The following IFT172 variants were observed in gnomAD, a reference collection of about 807,000 sequenced individuals.
The protein encoded by IFT172 is intraflagellar transport protein 172 homolog.
In IFT172, 164 loss-of-function variants were observed where a neutral mutation model predicts 248.9. The ratio of observed to expected loss-of-function variants is 0.66; its 90% CI spans 0.58 to 0.75. The LOEUF is 0.75. Ranked by LOEUF, IFT172 falls within the 30% of genes least tolerant of loss-of-function variation. The pLI is 0.00. For synonymous variants in IFT172, 729 were observed against 791.6 expected (o/e 0.92, Z 1.33); for missense variants, 1,950 against 2,192.4 (o/e 0.89, Z 2.21).
chr2:27,458,294 C>T, intron 26 of IFT172, 71 bp from the exon 27 acceptor site: 1 of 1,282,372 alleles, frequency 7.8e-7, no homozygotes, highest in Non-Finnish European at 1.1e-6. Flanking sequence ...AGGAAACCTG[C>T]TTGTTCAGAA....
In IFT172 at chr2:27,456,587, C is replaced by T; in HGVS notation, c.3295G>A (p.Gly1099Arg). 1 of 1,614,182 alleles carries T rather than the reference C, an allele frequency of 6.2e-7. No homozygotes were observed. The highest frequency in any genetic ancestry group is 8.5e-7 in the Non-Finnish European group (1 of 1,180,020). ...AGCAGTCTAACTGCAGCCTCTCCTC[C>T]CAGGCTCTTTGCCCACAGATAGGCC... ...HVAYLWAKSL[G>R]GEAAVRLLNK... Residue 1099 changes from glycine to arginine, a missense_variant, in exon 30 of 48, where the codon GGA (glycine) becomes AGA (arginine). Physicochemically the swap from Gly to Arg is moderately radical, Grantham distance 125 (BLOSUM62 -2). Coordinates refer to ENST00000260570, the MANE Select transcript of IFT172 (RefSeq NM_015662.3).
chr2:27,465,173 G>A (rs1389225008), intron 18 of IFT172: 1 of 503,888 alleles, frequency 2.0e-6, no homozygotes, highest in African/African-American at 1.9e-5. Flanking sequence ...GCCCACCTCA[G>A]CCTCCCAAAG....
chr2:27,457,884 T>C lies in IFT172; in HGVS notation c.3068A>G (p.His1023Arg). Reference sequence around the variant, plus strand: ...TGTATCACTGAGGAGATCTGGATGGTGCTTCCCTACCAGGCGGATCATGTC... The same window carrying C: ...TGTATCACTGAGGAGATCTGGATGGCGCTTCCCTACCAGGCGGATCATGTC... ...YDDMIRLVGK[H>R]HPDLLSDTHL... The change falls in exon 28 of 48, where the codon CAC becomes CGC. Residue 1023 changes from histidine to arginine, a missense_variant. By Grantham distance (29) the His-to-Arg change is conservative (BLOSUM62 0). Transcript: ENST00000260570. 1 of 1,614,148 alleles carries C rather than the reference T, an allele frequency of 6.2e-7. No individual in the cohort carries two copies. Among genetic ancestry groups the C allele is most frequent in the Non-Finnish European group, 8.5e-7 (1 of 1,180,020 alleles).
Position 27,465,490 on chromosome 2 carries a change from T to C in IFT172, c.1858A>G (p.Met620Val). Residue 620 changes from methionine to valine, a missense_variant, in exon 18 of 48, where the codon ATG becomes GTG. By Grantham distance (21) the Met-to-Val change is conservative (BLOSUM62 1). Around this residue, in one of 3 missense-constraint regions of IFT172, gnomAD observed 1,166 missense variants for 1,254.1 expected, o/e 0.93. Transcript: ENST00000260570. ...RATAFLETLE[M>V]TPETEAMWKT... ...CACATTGCCTCTGTTTCTGGGGTCA[T>C]TTCCAGAGTCTCTAAGAAGGCTGTT... 6.2e-7 allele frequency: 1 copy of C among 1,614,118 alleles called. No homozygotes were observed. The highest frequency in any genetic ancestry group is 1.3e-5 in the African/African-American group (1 of 75,012).
intron 14 of IFT172, among the ~76,000 whole-genome samples, chr2:27,474,454 C>A (rs1304475190): frequency 6.6e-6 from 1 of 152,110 alleles, no homozygotes; most frequent in Non-Finnish European, 1.5e-5. Flanking sequence ...AAACAAATTC[C>A]AGGTGAAAAG....
chr2:27,455,967 A>G (rs1323523955), intron 30 of IFT172: 1 of 246,694 alleles, frequency 4.1e-6, no homozygotes, highest in African/African-American at 2.3e-5. Context: ...TAATCTCAGC[A>G]CTTTGGGAGG....
At chr2:27,460,930 G>C (rs1666607339) in intron 23 of IFT172, 85 bp downstream of exon 23, 1 of 1,515,370 alleles carries the variant, frequency 6.6e-7, no homozygotes, top group Admixed American at 1.7e-5. Context: ...GGTGTGTAGG[G>C]GCAACCCACC....
chr2:27,462,753 AGACGTGCTCG>A lies in IFT172; in HGVS notation c.2053_2062del (p.Arg685Ter). ...TTTGTAGTTCTTTTCCAGCATGGCTAGACGTGCTCGGACCTGATAAAAGTCTGTTCCTTCT... is the reference window on the plus strand; with the variant it reads ...TTTGTAGTTCTTTTCCAGCATGGCTAGACCTGATAAAAGTCTGTTCCTTCT... On this transcript the variant is annotated frameshift_variant, in exon 20 of 48. Coordinates refer to ENST00000260570, the MANE Select transcript of IFT172 (RefSeq NM_015662.3). LOFTEE classifies it high-confidence loss of function. 6.2e-7 allele frequency: 1 copy of A among 1,614,098 alleles called. No homozygotes were observed. Among genetic ancestry groups the A allele is most frequent in the Non-Finnish European group, 8.5e-7 (1 of 1,179,996 alleles).
chr2:27,477,149 C>T lies in IFT172; in HGVS notation c.1325+68G>A, dbSNP rs563266706. ...TGAAGCTTTTGGATTAACTGGAGGACACAGAATTTAGGAGTCCAAAAGGAA... is the reference window on the plus strand; with the variant it reads ...TGAAGCTTTTGGATTAACTGGAGGATACAGAATTTAGGAGTCCAAAAGGAA... On this transcript the variant is annotated intron_variant, in intron 13 of 47. Transcript: ENST00000260570. 3.7e-6 allele frequency: 5 copies of T among 1,368,876 alleles called. No homozygotes were observed. The African/African-American group carries it at 5.7e-5, about 16-fold the overall frequency. 84.8% of individuals were successfully genotyped at this position (1,368,876 alleles called of 1,614,324 possible). A position where few individuals can be genotyped will look rare whatever the true frequency, so the allele number is the denominator to read the frequency against.
Position 27,463,083 on chromosome 2 carries a change from A to G in IFT172, c.2022+14T>C. ...TGGGAGACAGACAGAATGAATCAGG[A>G]GCATAATACTTGCATATTCCCGGGA... On this transcript the variant is annotated intron_variant, in intron 19 of 47. Coordinates refer to ENST00000260570, the MANE Select transcript of IFT172 (RefSeq NM_015662.3). 11 of 1,612,224 alleles carry G rather than the reference A, an allele frequency of 6.8e-6. No individual in the cohort carries two copies. Among genetic ancestry groups the G allele is most frequent in the Non-Finnish European group, 9.3e-6 (11 of 1,178,276 alleles).
chr2:27,467,463 G>A (rs1426368653), intron 16 of IFT172, among the ~76,000 whole-genome samples: 6 of 132,960 alleles, frequency 4.5e-5, no homozygotes, highest in African/African-American at 1.5e-4. Flanking sequence ...GGGCATGGTG[G>A]CATACGCCTG....
At chr2:27,489,574 C>T in intron 1 of IFT172, 41 bp downstream of exon 1, 1 of 1,539,526 alleles carries the variant, frequency 6.5e-7, no homozygotes, top group Non-Finnish European at 9.0e-7. Context: ...TTTCTTGGAA[C>T]ATAAAGCATA....
At chr2:27,474,914 G>GT (rs1235670770) in intron 14 of IFT172, among the ~76,000 whole-genome samples, 2 of 151,898 alleles carry the variant, frequency 1.3e-5, no homozygotes, top group African/African-American at 4.8e-5. Context: ...TGTCTGAACA[G>GT]TAAAAGACTC....
chr2:27,472,413 T>C, intron 14 of IFT172, 51 bp from the exon 15 acceptor site: 2 of 1,397,616 alleles, frequency 1.4e-6, no homozygotes, highest in Non-Finnish European at 2.0e-6. Flanking sequence ...CACATATACA[T>C]AGTATGGCCA....
intron 47 of IFT172, 102 bp from the exon 48 acceptor site, chr2:27,444,623 C>G (rs1184700063): frequency 1.2e-6 from 1 of 852,796 alleles, no homozygotes; most frequent in Admixed American, 2.1e-5. Flanking sequence ...TCCTGTAATC[C>G]CACCCATCTT....
chr2:27,489,304 AC>A (rs1668992040), intron 1 of IFT172, among the ~76,000 whole-genome samples: 1 of 152,218 alleles, frequency 6.6e-6, no homozygotes, highest in Non-Finnish European at 1.5e-5. Flanking sequence ...CTCGCTGCTT[AC>A]ATGTGCACCT....
chr2:27,453,760 C>T (rs773737475), intron 33 of IFT172, 21 bp from the exon 34 acceptor site: 1 of 1,604,334 alleles, frequency 6.2e-7, no homozygotes, highest in Non-Finnish European at 8.5e-7. Flanking sequence ...TTCCAGGTAT[C>T]AAGAGGGCAG....
Position 27,478,142 on chromosome 2 carries a change from G to A in IFT172, c.1020C>T (p.Asn340=). Residue 340 remains asparagine (N), a synonymous_variant, in exon 11 of 48, where the codon AAC becomes AAT. Coordinates refer to ENST00000260570, the MANE Select transcript of IFT172 (RefSeq NM_015662.3). Reference sequence around the variant, plus strand: ...GCACCACTCGGGTTCCTGATGACAGGTTCTTCACAATCACCTTGGTAAAGG... The same window carrying A: ...GCACCACTCGGGTTCCTGATGACAGATTCTTCACAATCACCTTGGTAAAGG... ...YVGPSQVIVK[N]LSSGTRVVLK... 6.2e-7 allele frequency: 1 copy of A among 1,614,108 alleles called. No homozygotes were observed. The highest frequency in any genetic ancestry group is 8.5e-7 in the Non-Finnish European group (1 of 1,180,022).
intron 4 of IFT172, 69 bp downstream of exon 4, chr2:27,484,158 T>C (rs773218786): frequency 1.1e-5 from 18 of 1,584,400 alleles, no homozygotes; most frequent in Non-Finnish European, 1.5e-5. Flanking sequence ...CTCCTGGCTG[T>C]ATTTATAAGT....
Sources: allele counts gnomAD v4.1 joint callset (sites outside exome capture counted in the v4.1 genomes callset), GRCh38; gene constraint gnomAD v4.1.1; regional missense constraint gnomAD v4.1.1; transcripts MANE v1.5; gene names NCBI Gene and HGNC (gene_info 2026-07-23, HGNC 2026-07-21).